The following ZNF892 variants were observed in gnomAD, a reference collection of about 807,000 sequenced individuals.
ZNF892 encodes zinc finger protein 570-like.
the ZNF892 span, among the ~76,000 whole-genome samples, chr2:95,227,567 C>G: frequency 6.6e-6 from 1 of 151,874 alleles, no homozygotes; most frequent in South Asian, 2.1e-4. Flanking sequence ...AAGTGATCAC[C>G]TGCTTCAGCC....
the ZNF892 span, among the ~76,000 whole-genome samples, chr2:95,243,505 C>T: frequency 6.6e-6 from 1 of 151,786 alleles, no homozygotes; most frequent in African/African-American, 2.4e-5. Context: ...CCCTGCCGCC[C>T]CGTCCGGGAT....
chr2:95,249,231 A>ATAT, the ZNF892 span, among the ~76,000 whole-genome samples: 1 of 57,090 alleles, frequency 1.8e-5, no homozygotes, highest in Non-Finnish European at 3.0e-5. Context: ...ATATATATAT[A>ATAT]TTTTTTTTTT....
the ZNF892 span, among the ~76,000 whole-genome samples, chr2:95,251,146 C>T: frequency 6.6e-6 from 1 of 151,908 alleles, no homozygotes; most frequent in Non-Finnish European, 1.5e-5. Context: ...AAAAAATCAC[C>T]TATACATAAC....
chr2:95,239,365 C>T, the ZNF892 span, among the ~76,000 whole-genome samples: 1 of 152,130 alleles, frequency 6.6e-6, no homozygotes, highest in South Asian at 2.1e-4. Context: ...AAAGCTGCAG[C>T]AGGGTTTAAG....
At chr2:95,210,141 G>A in the ZNF892 span, among the ~76,000 whole-genome samples, 1 of 148,264 alleles carries the variant, frequency 6.7e-6, no homozygotes, top group South Asian at 2.1e-4. Flanking sequence ...GTGTATACAT[G>A]TATATATGTA....
chr2:95,256,995 T>A, the ZNF892 span, among the ~76,000 whole-genome samples: 1 of 152,200 alleles, frequency 6.6e-6, no homozygotes, highest in Non-Finnish European at 1.5e-5. Flanking sequence ...TCAAGGTTTT[T>A]AACTTCTTTG....
the ZNF892 span, among the ~76,000 whole-genome samples, chr2:95,210,503 CTT>C: frequency 6.6e-6 from 1 of 152,100 alleles, no homozygotes; most frequent in Non-Finnish European, 1.5e-5. Flanking sequence ...ACAAACTAAA[CTT>C]TGTGTCTGTC....
chr2:95,240,911 A>G, the ZNF892 span, among the ~76,000 whole-genome samples: 1 of 152,166 alleles, frequency 6.6e-6, no homozygotes, highest in Non-Finnish European at 1.5e-5. Context: ...TTTAAGCAGC[A>G]CCTTGATCCA....
chr2:95,258,383 G>A, the ZNF892 span, among the ~76,000 whole-genome samples: 1 of 152,320 alleles, frequency 6.6e-6, no homozygotes, highest in Admixed American at 6.5e-5. Flanking sequence ...ATCCTGATTG[G>A]CTACTTCTAA....
the ZNF892 span, among the ~76,000 whole-genome samples, chr2:95,254,064 C>T: frequency 6.6e-6 from 1 of 152,124 alleles, no homozygotes; most frequent in Admixed American, 6.6e-5. Context: ...TAATTGAATA[C>T]CCTTTATTTC....
the ZNF892 span, among the ~76,000 whole-genome samples, chr2:95,218,187 C>T: frequency 5.9e-5 from 9 of 152,280 alleles, no homozygotes; most frequent in South Asian, 1.4e-3. Flanking sequence ...GTGTTTTCTT[C>T]GTAGCAAATT....
the ZNF892 span, among the ~76,000 whole-genome samples, chr2:95,246,355 A>C: frequency 6.6e-6 from 1 of 152,196 alleles, no homozygotes; most frequent in Non-Finnish European, 1.5e-5. Context: ...GTATTGAAGG[A>C]ACATACCCCA....
chr2:95,257,334 A>G, the ZNF892 span, among the ~76,000 whole-genome samples: 1 of 152,042 alleles, frequency 6.6e-6, no homozygotes, highest in Non-Finnish European at 1.5e-5. Context: ...CTGGAGGTCT[A>G]CTCCAGACCC....
At chr2:95,217,117 G>C in the ZNF892 span, among the ~76,000 whole-genome samples, 1 of 152,216 alleles carries the variant, frequency 6.6e-6, no homozygotes, top group Admixed American at 6.5e-5. Context: ...TTCTCACTGT[G>C]TCTTCTCATG....
chr2:95,213,613 G>T, the ZNF892 span, among the ~76,000 whole-genome samples: 1 of 151,836 alleles, frequency 6.6e-6, no homozygotes, highest in African/African-American at 2.4e-5. Flanking sequence ...CTTTCTTCTT[G>T]GTTCTGTTTT....
At chr2:95,208,704 G>A in the ZNF892 span, 1 of 398,626 alleles carries the variant, frequency 2.5e-6, no homozygotes, top group Non-Finnish European at 4.4e-6. Flanking sequence ...AGAAAATGAC[G>A]TGACTGCTGT....
chr2:95,226,345 C>G, the ZNF892 span, among the ~76,000 whole-genome samples: 1 of 152,212 alleles, frequency 6.6e-6, no homozygotes. Context: ...GGATCGGTAG[C>G]TGATAAATTG....
At chr2:95,210,173 A>G in the ZNF892 span, among the ~76,000 whole-genome samples, 2 of 148,864 alleles carry the variant, frequency 1.3e-5, no homozygotes, top group African/African-American at 4.9e-5. Flanking sequence ...ATATGTATAT[A>G]TGTGTATATA....
the ZNF892 span, among the ~76,000 whole-genome samples, chr2:95,218,701 G>A: frequency 5.3e-5 from 8 of 152,268 alleles, no homozygotes; most frequent in Middle Eastern, 3.4e-3. Flanking sequence ...TCAAACAACA[G>A]AAATTTATTT....
Sources: gnomAD v4.1 joint callset for allele counts (sites outside exome capture counted in the v4.1 genomes callset) on GRCh38, gnomAD v4.1.1 for gene constraint, MANE v1.5 for transcripts, NCBI Gene and HGNC (gene_info 2026-07-23, HGNC 2026-07-21) for gene names.